MINK1: variants seen among roughly 807,000 people sequenced by gnomAD.
MINK1 encodes misshapen-like kinase 1.
In MINK1, 46 loss-of-function variants were observed where a neutral mutation model predicts 178.4. The ratio of observed to expected loss-of-function variants is 0.26; its 90% CI spans 0.20 to 0.33. The LOEUF is 0.33. Among genes scored for constraint, MINK1 ranks in the 10% least tolerant of loss-of-function variants. The pLI is 1.00. For missense variants in MINK1, 1,366 were observed against 1,814.9 expected (o/e 0.75, Z 4.49); for synonymous variants, 797 against 709.7 (o/e 1.12, Z -1.96).
intron 1 of MINK1, among the ~76,000 whole-genome samples, chr17:4,858,813 T>C (rs1913614017): frequency 6.6e-6 from 1 of 152,226 alleles, no homozygotes; most frequent in South Asian, 2.1e-4. Context: ...CTGGCTGCTG[T>C]ATAGTCAGTC....
At chr17:4,854,038 G>A (rs1037710839) in intron 1 of MINK1, among the ~76,000 whole-genome samples, 1 of 152,042 alleles carries the variant, frequency 6.6e-6, no homozygotes, top group East Asian at 1.9e-4. Context: ...GAAGCAAACG[G>A]TTTATTTTTT....
intron 1 of MINK1, among the ~76,000 whole-genome samples, chr17:4,853,966 C>T (rs955885049): frequency 3.3e-5 from 5 of 152,098 alleles, no homozygotes; most frequent in Admixed American, 3.3e-4. Context: ...GCTGGGGCTG[C>T]CCTTCCAGGC....
At position 4,893,037 on chromosome 17, in the gene MINK1, C is replaced by A. The variant is rs753908116; in HGVS notation, c.2370C>A (p.Asp790Glu). 1 of 1,576,810 alleles carries A rather than the reference C, an allele frequency of 6.3e-7. No individual in the cohort carries two copies. Among genetic ancestry groups the A allele is most frequent in the East Asian group, 2.4e-5 (1 of 41,964 alleles). ...CCCCTGGGAATAAAGCCAAGCCCGA[C>A]GACCACCGCTCACGGCCAGGCCGGC... The part of the protein sequence containing the change: ...VLSPGNKAKP[D>E]DHRSRPGRPA... Residue 790 changes from aspartate (D) to glutamate (E), a missense_variant, in exon 20 of 32, where the codon GAC becomes GAA. Transcript: ENST00000355280.
At chr17:4,891,754 G>T in intron 16 of MINK1, 38 bp downstream of exon 16, 1 of 1,569,266 alleles carries the variant, frequency 6.4e-7, no homozygotes, top group Non-Finnish European at 8.6e-7. Context: ...AAAGCAGAGA[G>T]CTAGTCATGA....
chr17:4,872,668 A>T (rs1374629980), intron 1 of MINK1, among the ~76,000 whole-genome samples: 5 of 151,928 alleles, frequency 3.3e-5, no homozygotes, highest in African/African-American at 1.2e-4. Flanking sequence ...GCTACTCAGG[A>T]GGCTGAAGCA....
intron 1 of MINK1, among the ~76,000 whole-genome samples, chr17:4,855,262 G>A (rs1912845615): frequency 1.3e-5 from 2 of 149,594 alleles, no homozygotes; most frequent in Admixed American, 6.7e-5. Flanking sequence ...TGAGGCAGGT[G>A]GATCACGAGG....
At chr17:4,874,282 C>T (rs1567592639) in intron 1 of MINK1, among the ~76,000 whole-genome samples, 1 of 152,176 alleles carries the variant, frequency 6.6e-6, no homozygotes, top group African/African-American at 2.4e-5. Context: ...ATACGATTGC[C>T]TTACAGGTTT....
At chr17:4,848,405 G>A (rs1290786122) in intron 1 of MINK1, among the ~76,000 whole-genome samples, 1 of 152,224 alleles carries the variant, frequency 6.6e-6, no homozygotes, top group Non-Finnish European at 1.5e-5. Flanking sequence ...CTATCGCCCA[G>A]GCTGGAGTGC....
chr17:4,893,535 GGAC>G lies in MINK1; in HGVS notation c.2508_2510del (p.Asp836del), dbSNP rs542888965. ...CCAGCGAGGAGGTGGAAAGCAGTGAGGACGACGAGGAGGAAGGCGAAGGCGGGC... is the reference window on the plus strand; with the variant it reads ...CCAGCGAGGAGGTGGAAAGCAGTGAGGACGAGGAGGAAGGCGAAGGCGGGC... On this transcript the variant is annotated inframe_deletion, in exon 21 of 32. Coordinates refer to ENST00000355280, the MANE Select transcript of MINK1 (RefSeq NM_153827.5). 282 of 1,596,046 alleles carry G rather than the reference GGAC, an allele frequency of 1.8e-4. 2 individuals carry two copies. In the African/African-American group the frequency reaches 3.5e-3, roughly 20 times the overall value.
chr17:4,892,295 G>A (rs930722978), intron 17 of MINK1, 61 bp downstream of exon 17: 25 of 1,509,908 alleles, frequency 1.7e-5, no homozygotes, highest in East Asian at 1.5e-4. Flanking sequence ...GAGTAGGGGG[G>A]GCACAGGGAC....
At chr17:4,855,820 A>C (rs1913027958) in intron 1 of MINK1, among the ~76,000 whole-genome samples, 1 of 151,440 alleles carries the variant, frequency 6.6e-6, no homozygotes, top group Admixed American at 6.6e-5. Flanking sequence ...AAAATACAAA[A>C]AAAATCAGCT....
Position 4,896,497 on chromosome 17 carries a change from G to C in MINK1, c.3684G>C (p.Leu1228=), listed in dbSNP as rs757824207. 19 of 1,613,850 alleles carry C rather than the reference G, an allele frequency of 1.2e-5. No homozygotes were observed. The highest frequency in any genetic ancestry group is 1.6e-5 in the Non-Finnish European group (19 of 1,179,876). ...LPNTDGMEML[L]CYEDEGVYVN... ...ACACCGACGGCATGGAGATGCTGCTGTGCTACGAGGACGAGGGTGTCTACG... is the reference window on the plus strand; with the variant it reads ...ACACCGACGGCATGGAGATGCTGCTCTGCTACGAGGACGAGGGTGTCTACG... Residue 1228 remains leucine, a synonymous_variant, in exon 30 of 32, where the codon CTG becomes CTC. Coordinates refer to ENST00000355280, the MANE Select transcript of MINK1 (RefSeq NM_153827.5). This position sits in a 1 kb window ranked among gnomAD's most constrained non-coding sequence, Gnocchi z 4.6.
intron 20 of MINK1, 44 bp from the exon 21 acceptor site, chr17:4,893,390 C>T (rs777691968): frequency 1.6e-5 from 25 of 1,602,760 alleles, no homozygotes; most frequent in Non-Finnish European, 2.1e-5. Context: ...TACCTCCACC[C>T]AGGCCCAGCT....
intron 1 of MINK1, chr17:4,834,769 C>T (rs182835518): frequency 7.5e-5 from 39 of 520,010 alleles, no homozygotes; most frequent in Admixed American, 7.2e-4. Flanking sequence ...GCAGGACTTC[C>T]CATCTCTAGG....
At position 4,896,028 on chromosome 17, in the gene MINK1, G is replaced by A. The variant is rs147980323; in HGVS notation, c.3390G>A (p.Leu1130=). 2,169 of 1,603,286 alleles carry A rather than the reference G, an allele frequency of 1.4e-3. 4 individuals are homozygous for A. Among genetic ancestry groups the A allele is most frequent in the Middle Eastern group, 4.5e-3 (27 of 6,056 alleles). The change falls in exon 28 of 32, where the codon CTG becomes CTA. Residue 1130 remains leucine, a synonymous_variant. Coordinates refer to ENST00000355280, the MANE Select transcript of MINK1 (RefSeq NM_153827.5). The surrounding 1 kb of genome is among the most constrained non-coding windows in gnomAD (Gnocchi z 4.6). ...RVVKYERIKF[L]VIALKSSVEV... ...TGAAATACGAGCGGATTAAGTTCCT[G>A]GTCATCGCCCTCAAGAGCTCCGTGG...
At chr17:4,888,230 A>T (rs1218926269) in intron 12 of MINK1, among the ~76,000 whole-genome samples, 1 of 152,098 alleles carries the variant, frequency 6.6e-6, no homozygotes, top group Non-Finnish European at 1.5e-5. Flanking sequence ...AATAATAAGC[A>T]ATAACCCGCA....
At chr17:4,864,730 A>G (rs927681889) in intron 1 of MINK1, among the ~76,000 whole-genome samples, 1 of 152,162 alleles carries the variant, frequency 6.6e-6, no homozygotes, top group Non-Finnish European at 1.5e-5. Flanking sequence ...CATCTCAAAA[A>G]AAAGAGCTAT....
chr17:4,889,935 C>T, intron 13 of MINK1, 172 bp downstream of exon 13: 2 of 605,902 alleles, frequency 3.3e-6, no homozygotes, highest in South Asian at 2.0e-5. Flanking sequence ...AACCCTGACC[C>T]CCTCCCTCTT....
At chr17:4,864,817 G>A (rs1914699950) in intron 1 of MINK1, among the ~76,000 whole-genome samples, 1 of 152,238 alleles carries the variant, frequency 6.6e-6, no homozygotes, top group South Asian at 2.1e-4. Context: ...GATCAGGACC[G>A]GAAGGATGGG....
Sources: gnomAD v4.1 joint callset for allele counts (sites outside exome capture counted in the v4.1 genomes callset) on GRCh38, gnomAD v4.1.1 for gene constraint, Gnocchi (gnomAD v3.1) non-coding constraint, MANE v1.5 for transcripts, NCBI Gene and HGNC (gene_info 2026-07-23, HGNC 2026-07-21) for gene names.